The following HPSE2 variants were observed in gnomAD, a reference collection of about 807,000 sequenced individuals.
The protein encoded by HPSE2 is heparanase 2 (inactive).
A neutral mutation model predicts 60.5 loss-of-function variants in HPSE2; 38 were observed. That is an observed-to-expected ratio of 0.63 (90% CI 0.48 to 0.82). HPSE2 has a LOEUF of 0.82. HPSE2 is among the 40% of genes least tolerant of loss of function. The pLI, the probability that HPSE2 is intolerant of heterozygous loss-of-function variation, is 0.00. For missense variants in HPSE2, 713 were observed against 740.4 expected (o/e 0.96, Z 0.43); for synonymous variants, 295 against 293.2 (o/e 1.01, Z -0.06).
At chr10:99,110,916 C>T (rs1366007713) in intron 3 of HPSE2, among the ~76,000 whole-genome samples, 3 of 152,138 alleles carry the variant, frequency 2.0e-5, no homozygotes, top group Non-Finnish European at 4.4e-5. Context: ...GGTCTATGAT[C>T]CATTTTAAGT....
chr10:98,545,189 G>A (rs1176782012), intron 9 of HPSE2, among the ~76,000 whole-genome samples: 3 of 151,862 alleles, frequency 2.0e-5, no homozygotes, highest in Non-Finnish European at 4.4e-5. Flanking sequence ...AAGAGTCCAG[G>A]ACCAGATGGA....
chr10:98,618,236 A>G (rs1306406959), intron 8 of HPSE2, among the ~76,000 whole-genome samples: 1 of 152,148 alleles, frequency 6.6e-6, no homozygotes, highest in Non-Finnish European at 1.5e-5. Flanking sequence ...CAGCCAGAAT[A>G]TAAACAACTA....
intron 3 of HPSE2, among the ~76,000 whole-genome samples, chr10:98,750,552 G>A (rs1403974695): frequency 6.6e-6 from 1 of 152,144 alleles, no homozygotes; most frequent in Non-Finnish European, 1.5e-5. Context: ...TTGTGGCTTG[G>A]ACCAGGGTGG....
intron 3 of HPSE2, among the ~76,000 whole-genome samples, chr10:99,100,962 C>A (rs990541881): frequency 1.3e-5 from 2 of 152,138 alleles, no homozygotes; most frequent in African/African-American, 4.8e-5. Context: ...ACCACCAGGC[C>A]TGCCCTAAAA....
chr10:99,126,043 T>A lies in HPSE2; in HGVS notation c.610+18195A>T, dbSNP rs1209081539. 6.6e-6 allele frequency among the ~76,000 whole-genome samples: 1 copy of A among 152,016 alleles called. No individual in the cohort carries two copies. The highest frequency in any genetic ancestry group is 1.5e-5 in the Non-Finnish European group (1 of 67,998). ...AGCTGGTGATGACAGTGTGAGCAGA[T>A]GGGAGGGGCAGGGCCTGAAATCTGT... On this transcript the variant is annotated intron_variant, in intron 3 of 11. Coordinates refer to ENST00000370552, the MANE Select transcript of HPSE2 (RefSeq NM_021828.5). This position sits in a 1 kb window ranked among gnomAD's most constrained non-coding sequence, Gnocchi z 4.0.
At chr10:98,541,754 C>T (rs906868429) in intron 9 of HPSE2, among the ~76,000 whole-genome samples, 30 of 152,070 alleles carry the variant, frequency 2.0e-4, no homozygotes, top group Admixed American at 2.0e-3. Context: ...AAGGTGGCAG[C>T]GAGGCTGGGG....
At chr10:99,253,941 A>T in the HPSE2 span, among the ~76,000 whole-genome samples, 4 of 152,068 alleles carry the variant, frequency 2.6e-5, no homozygotes, top group Non-Finnish European at 4.4e-5. Context: ...GCTATTATTT[A>T]AAAAAGGAAT....
intron 9 of HPSE2, among the ~76,000 whole-genome samples, chr10:98,597,556 A>G (rs980412734): frequency 2.0e-5 from 3 of 151,816 alleles, no homozygotes; most frequent in African/African-American, 7.3e-5. Flanking sequence ...CTGTAGTCCC[A>G]GCTACTTGGG....
In HPSE2 at chr10:98,573,628, T is replaced by C. The variant is rs146459384; in HGVS notation, c.1320+41276A>G. On this transcript the variant is annotated intron_variant, in intron 9 of 11. Coordinates refer to ENST00000370552, the MANE Select transcript of HPSE2 (RefSeq NM_021828.5). ...GAAACCAGCAGGAACTCAGCACTGC[T>C]CAGCTCCTATCTTTTTCACCTCGCA... is the stretch of plus-strand genomic sequence containing the variant. Among the ~76,000 whole-genome samples, 7 of 152,324 alleles carry C rather than the reference T, an allele frequency of 4.6e-5. No individual in the cohort carries two copies. In the East Asian group the frequency reaches 1.4e-3, roughly 29 times the overall value.
chr10:99,252,038 C>G, the HPSE2 span, among the ~76,000 whole-genome samples: 1 of 151,772 alleles, frequency 6.6e-6, no homozygotes, highest in African/African-American at 2.4e-5. Context: ...TGTCTTGAAA[C>G]ACATACATAC....
chr10:99,132,080 C>T (rs1387508962), intron 3 of HPSE2, among the ~76,000 whole-genome samples: 1 of 149,404 alleles, frequency 6.7e-6, no homozygotes, highest in Non-Finnish European at 1.5e-5. Context: ...CCATTGCACT[C>T]CAGCCTGGGC....
chr10:98,934,173 C>T (rs1398763595), intron 3 of HPSE2, among the ~76,000 whole-genome samples: 1 of 144,266 alleles, frequency 6.9e-6, no homozygotes, highest in Non-Finnish European at 1.5e-5. Flanking sequence ...TGCGTCTTTG[C>T]ACATGAGATG....
At chr10:98,625,823 C>T (rs1453361296) in intron 7 of HPSE2, among the ~76,000 whole-genome samples, 1 of 152,110 alleles carries the variant, frequency 6.6e-6, no homozygotes, top group Non-Finnish European at 1.5e-5. Flanking sequence ...CATGAATAGG[C>T]CGGGCGTGGT....
At chr10:99,119,096 A>AGGGAGGGAGGGAGGGAGGGAGG (rs1564822378) in intron 3 of HPSE2, among the ~76,000 whole-genome samples, 1 of 117,862 alleles carries the variant, frequency 8.5e-6, no homozygotes, top group African/African-American at 3.3e-5. Context: ...AAAGAGAGAG[A>AGGGAGGGAGGGAGGGAGGGAGG]GAGGGAGGGA....
chr10:99,307,365 T>C, the HPSE2 span, among the ~76,000 whole-genome samples: 1 of 152,208 alleles, frequency 6.6e-6, no homozygotes, highest in South Asian at 2.1e-4. Context: ...GAATGACTCT[T>C]ACCCTGTGAC....
intron 4 of HPSE2, among the ~76,000 whole-genome samples, chr10:98,725,011 A>G (rs1049043810): frequency 6.6e-6 from 1 of 152,214 alleles, no homozygotes; most frequent in East Asian, 1.9e-4. Context: ...ATGGAAGAAC[A>G]TTCCATGCTC....
At chr10:98,653,433 C>A (rs563984035) in intron 6 of HPSE2, among the ~76,000 whole-genome samples, 2 of 150,260 alleles carry the variant, frequency 1.3e-5, no homozygotes, top group South Asian at 4.2e-4. Context: ...TTAATCTCTT[C>A]TTTTTTTGTT....
intron 3 of HPSE2, among the ~76,000 whole-genome samples, chr10:98,918,166 T>G (rs1590074093): frequency 6.6e-6 from 1 of 152,216 alleles, no homozygotes; most frequent in East Asian, 1.9e-4. Context: ...TACTGAATAT[T>G]TAAACTGAGT....
intron 3 of HPSE2, among the ~76,000 whole-genome samples, chr10:98,776,897 C>G (rs1950352499): frequency 6.6e-6 from 1 of 152,094 alleles, no homozygotes; most frequent in Admixed American, 6.6e-5. Flanking sequence ...GAGATGCATG[C>G]TAAGGGCTAA....
Sources: gnomAD v4.1 joint callset for allele counts (sites outside exome capture counted in the v4.1 genomes callset) on GRCh38, gnomAD v4.1.1 for gene constraint, Gnocchi (gnomAD v3.1) non-coding constraint, MANE v1.5 for transcripts, NCBI Gene and HGNC (gene_info 2026-07-23, HGNC 2026-07-21) for gene names.